The following PHACTR3 variants were observed in gnomAD, a reference collection of about 807,000 sequenced individuals.
The protein encoded by PHACTR3 is protein phosphatase 1, regulatory subunit 123.
A neutral mutation model predicts 66.8 loss-of-function variants in PHACTR3; 16 were observed. The ratio of observed to expected loss-of-function variants is 0.24; its 90% CI spans 0.16 to 0.36. The LOEUF (loss-of-function observed/expected upper bound fraction) is 0.36, where lower values mean the gene tolerates loss of function less well. PHACTR3 is among the 10% of genes least tolerant of loss of function. The probability of loss-of-function intolerance (pLI) is 1.00; values close to 1 mark genes in which losing one functional copy is unlikely to be tolerated. For missense variants in PHACTR3, 647 were observed against 719.9 expected, an observed-to-expected ratio of 0.90 and a Z score of 1.16; for synonymous variants, 323 against 292.1, an observed-to-expected ratio of 1.11 and a Z score of -1.08.
At chr20:59,836,465 C>G in intron 8 of PHACTR3, 40 bp from the exon 9 acceptor site, 1 of 1,593,048 alleles carries the variant, frequency 6.3e-7, no homozygotes, top group Non-Finnish European at 8.5e-7. Flanking sequence ...TTGCAGGCAG[C>G]CACTATGGTG....
intron 1 of PHACTR3, among the ~76,000 whole-genome samples, chr20:59,581,789 G>A (rs2032866631): frequency 6.6e-6 from 1 of 151,968 alleles, no homozygotes; most frequent in Non-Finnish European, 1.5e-5. Context: ...GCTGAGGCAG[G>A]AGAAAGGCGT....
At chr20:59,815,130 A>G (rs1035297038) in intron 8 of PHACTR3, among the ~76,000 whole-genome samples, 1 of 152,144 alleles carries the variant, frequency 6.6e-6, no homozygotes, top group Non-Finnish European at 1.5e-5. Flanking sequence ...AACAGTCTTC[A>G]AGGAGCAAAG....
At chr20:59,726,552 TCCAGCCCCAG>T (rs2038568522) in intron 1 of PHACTR3, among the ~76,000 whole-genome samples, 1 of 152,178 alleles carries the variant, frequency 6.6e-6, no homozygotes, top group Non-Finnish European at 1.5e-5. Flanking sequence ...GCTTTGTTGG[TCCAGCCCCAG>T]CTTCTTGACT....
intron 4 of PHACTR3, among the ~76,000 whole-genome samples, chr20:59,766,934 G>A (rs186498460): frequency 1.3e-5 from 2 of 152,260 alleles, no homozygotes; most frequent in East Asian, 3.9e-4. Context: ...GCTGTGGCAT[G>A]GACCTCTCAT....
intron 1 of PHACTR3, among the ~76,000 whole-genome samples, chr20:59,636,275 C>G (rs2034899460): frequency 6.6e-6 from 1 of 152,132 alleles, no homozygotes; most frequent in Non-Finnish European, 1.5e-5. Context: ...GGGCATGGAT[C>G]AGGTCGCAGA....
intron 1 of PHACTR3, among the ~76,000 whole-genome samples, chr20:59,635,270 T>C (rs1003493445): frequency 8.2e-5 from 12 of 147,194 alleles, no homozygotes; most frequent in Middle Eastern, 3.5e-3. Context: ...GTTTTGCTCT[T>C]GTTGCCCAGG....
chr20:59,772,984 G>T (rs1287070644), intron 5 of PHACTR3, among the ~76,000 whole-genome samples: 1 of 152,186 alleles, frequency 6.6e-6, no homozygotes, highest in East Asian at 1.9e-4. Context: ...TAGCAGAGAA[G>T]CAGGAAGGAG....
intron 7 of PHACTR3, among the ~76,000 whole-genome samples, chr20:59,777,486 C>G (rs1003780706): frequency 1.5e-4 from 23 of 152,172 alleles, no homozygotes; most frequent in Admixed American, 3.9e-4. Flanking sequence ...CCATGGCCTC[C>G]AACAGAATGT....
intron 4 of PHACTR3, among the ~76,000 whole-genome samples, chr20:59,763,744 G>A (rs527804787): frequency 6.6e-6 from 1 of 152,210 alleles, no homozygotes; most frequent in Non-Finnish European, 1.5e-5. Context: ...AGCCCAGGTG[G>A]ACATTCAGAT....
At chr20:59,667,832 G>A (rs1002529076) in intron 1 of PHACTR3, among the ~76,000 whole-genome samples, 2 of 152,190 alleles carry the variant, frequency 1.3e-5, no homozygotes, top group African/African-American at 4.8e-5. Flanking sequence ...GAAGGGGCAG[G>A]TGTGTGTGAT....
Position 59,841,595 on chromosome 20 carries a change from C to A in PHACTR3, c.1587+60C>A, listed in dbSNP as rs1600758747. 2.6e-6 allele frequency: 4 copies of A among 1,540,090 alleles called. No homozygotes were observed. The East Asian group carries it at 6.9e-5, about 27-fold the overall frequency. ...ATGATATAATAAAGGCAAAATATGT[C>A]ATGCCAGGGAGTTTATTCATAGACA... On this transcript the variant is annotated intron_variant, in intron 11 of 12. Transcript: ENST00000371015.
At chr20:59,757,425 G>A (rs1330689075) in intron 4 of PHACTR3, among the ~76,000 whole-genome samples, 1 of 152,242 alleles carries the variant, frequency 6.6e-6, no homozygotes, top group African/African-American at 2.4e-5. Context: ...TGAGGGAGGA[G>A]TGGGAATCAG....
chr20:59,831,686 C>G lies in PHACTR3; in HGVS notation c.1329-4819C>G, dbSNP rs193033365. 4.9e-3 allele frequency among the ~76,000 whole-genome samples: 747 copies of G among 152,262 alleles called. 6 individuals carry two copies. The highest frequency in any genetic ancestry group is 0.017 in the African/African-American group (708 of 41,564). Reference sequence around the variant, plus strand: ...CCAAAGCCCAGCTATGCTCCGGCCACGTCTCTAGCGGCTCCTCGGAGAGCA... The same window carrying G: ...CCAAAGCCCAGCTATGCTCCGGCCAGGTCTCTAGCGGCTCCTCGGAGAGCA... On this transcript the variant is annotated intron_variant, in intron 8 of 12. Coordinates refer to ENST00000371015, the MANE Select transcript of PHACTR3 (RefSeq NM_080672.5).
At chr20:59,711,915 A>G (rs150483811) in intron 1 of PHACTR3, among the ~76,000 whole-genome samples, 6 of 152,290 alleles carry the variant, frequency 3.9e-5, no homozygotes, top group African/African-American at 7.2e-5. Context: ...ACTCTTTTCA[A>G]TGGGGTTAAG....
At chr20:59,655,067 TTTTTA>T (rs2035573864) in intron 1 of PHACTR3, among the ~76,000 whole-genome samples, 1 of 152,076 alleles carries the variant, frequency 6.6e-6, no homozygotes, top group Admixed American at 6.5e-5. Flanking sequence ...CGGATCTATG[TTTTTA>T]TTTTAATTGT....
chr20:59,688,043 G>C (rs952305303), intron 1 of PHACTR3, among the ~76,000 whole-genome samples: 6 of 152,140 alleles, frequency 3.9e-5, no homozygotes, highest in Admixed American at 1.3e-4. Context: ...CCCTTGACGG[G>C]CATGGGGTCT....
intron 2 of PHACTR3, among the ~76,000 whole-genome samples, chr20:59,747,374 G>A (rs1356337174): frequency 6.6e-6 from 1 of 152,246 alleles, no homozygotes; most frequent in Non-Finnish European, 1.5e-5. Context: ...ACGGAAAGGA[G>A]CCCGGGGTGT....
chr20:59,656,204 A>G (rs2146462910), intron 1 of PHACTR3, among the ~76,000 whole-genome samples: 1 of 151,810 alleles, frequency 6.6e-6, no homozygotes, highest in East Asian at 1.9e-4. Context: ...TTTCTCCTTA[A>G]TCTTCTGCCC....
chr20:59,618,613 G>A lies in PHACTR3; in HGVS notation c.118+13481G>A, dbSNP rs180672755. On this transcript the variant is annotated intron_variant, in intron 1 of 12. Coordinates refer to ENST00000371015, the MANE Select transcript of PHACTR3 (RefSeq NM_080672.5). ...GGGAAGGGCAGGAGAGGGAAGGGAA[G>A]GGTATGTGCCATGAGGCACCTACGT... Among the ~76,000 whole-genome samples the A allele has an allele frequency of 2.3e-3, 348 of 152,326 alleles. 3 individuals carry two copies. Among genetic ancestry groups the A allele is most frequent in the African/African-American group, 7.9e-3 (329 of 41,572 alleles).
Sources: allele counts gnomAD v4.1 joint callset (sites outside exome capture counted in the v4.1 genomes callset), GRCh38; gene constraint gnomAD v4.1.1; transcripts MANE v1.5; gene names NCBI Gene and HGNC (gene_info 2026-07-23, HGNC 2026-07-21).